The following TLN2 variants were observed in gnomAD, a reference collection of about 807,000 sequenced individuals.
TLN2 encodes the protein talin-2.
In TLN2, 118 loss-of-function variants were observed where a neutral mutation model predicts 294.7. The ratio of observed to expected loss-of-function variants is 0.40; its 90% CI spans 0.34 to 0.47. The LOEUF (loss-of-function observed/expected upper bound fraction) is 0.47. Ranked by LOEUF, TLN2 falls within the 20% of genes least tolerant of loss-of-function variation. The pLI is 0.84. For synonymous variants in TLN2, 1,431 were observed against 1,304.5 expected, an observed-to-expected ratio of 1.10 and a Z score of -2.09; for missense variants, 3,083 against 3,282.2, an observed-to-expected ratio of 0.94 and a Z score of 1.48.
chr15:62,671,743 CACT>C (rs2055457668), intron 9 of TLN2, among the ~76,000 whole-genome samples: 1 of 152,112 alleles, frequency 6.6e-6, no homozygotes, highest in African/African-American at 2.4e-5. Context: ...TCCTTTTCAC[CACT>C]ACTACCAAAC....
At chr15:62,815,173 TCTGTCACACACACACACACACACACA>T (rs2067001704) in intron 52 of TLN2, among the ~76,000 whole-genome samples, 1 of 133,922 alleles carries the variant, frequency 7.5e-6, no homozygotes, top group African/African-American at 2.7e-5. Context: ...TTTTATTCTG[TCTGTCACACACACACACACACACACA>T]CACACACACA....
chr15:62,478,681 G>C (rs746155216), intron 1 of TLN2, among the ~76,000 whole-genome samples: 1 of 152,156 alleles, frequency 6.6e-6, no homozygotes, highest in Non-Finnish European at 1.5e-5. Context: ...TGGGTTAGGG[G>C]TTGATTCAGT....
intron 1 of TLN2, among the ~76,000 whole-genome samples, chr15:62,395,340 T>C (rs908778820): frequency 4.6e-5 from 7 of 151,988 alleles, no homozygotes; most frequent in Non-Finnish European, 8.8e-5. Context: ...GGGATGCAAA[T>C]TATTGTGTCT....
At chr15:62,440,622 T>C (rs2035499813) in intron 1 of TLN2, among the ~76,000 whole-genome samples, 1 of 152,180 alleles carries the variant, frequency 6.6e-6, no homozygotes, top group Non-Finnish European at 1.5e-5. Flanking sequence ...CCTCTCTTGC[T>C]GTTCTCTTAT....
chr15:62,820,423 A>C, intron 53 of TLN2, 63 bp from the exon 54 acceptor site: 1 of 1,559,108 alleles, frequency 6.4e-7, no homozygotes, highest in Non-Finnish European at 8.7e-7. Context: ...TAGTGTTTTT[A>C]ATTAAGCCAG....
At chr15:62,738,420 C>CT in intron 30 of TLN2, 87 bp downstream of exon 30, 1 of 1,458,362 alleles carries the variant, frequency 6.9e-7, no homozygotes, top group Non-Finnish European at 9.1e-7. Context: ...CATGAGATCT[C>CT]TGAGCAGCTA....
intron 1 of TLN2, among the ~76,000 whole-genome samples, chr15:62,403,957 G>A (rs2033213864): frequency 6.6e-6 from 1 of 152,132 alleles, no homozygotes; most frequent in Admixed American, 6.5e-5. Context: ...AATCATCTCT[G>A]CCGCTGTATC....
intron 3 of TLN2, among the ~76,000 whole-genome samples, chr15:62,631,008 C>T (rs1464879854): frequency 6.6e-6 from 1 of 152,004 alleles, no homozygotes; most frequent in African/African-American, 2.4e-5. Context: ...TTTGAATAAG[C>T]CATTTTTTTT....
chr15:62,570,840 C>G (rs2043807903), intron 1 of TLN2, among the ~76,000 whole-genome samples: 2 of 152,006 alleles, frequency 1.3e-5, no homozygotes, highest in East Asian at 3.9e-4. Flanking sequence ...CTAAGCCAAT[C>G]TTCTCCAAGG....
intron 48 of TLN2, 125 bp downstream of exon 48, chr15:62,797,527 T>TCACACACTCACTACC: frequency 8.5e-7 from 1 of 1,177,296 alleles, no homozygotes; most frequent in Non-Finnish European, 1.2e-6. Flanking sequence ...TGAGTGTGTC[T>TCACACACTCACTACC]GGTTTGAGGA....
At chr15:62,677,821 T>TTTTTTTTTTTTTTTTTTG (rs2056398477) in intron 11 of TLN2, among the ~76,000 whole-genome samples, 1 of 146,102 alleles carries the variant, frequency 6.8e-6, no homozygotes, top group Non-Finnish European at 1.5e-5. Flanking sequence ...TTTTTTTTTT[T>TTTTTTTTTTTTTTTTTTG]GAGACGGAGA....
chr15:62,510,808 G>A (rs545753733), intron 1 of TLN2, among the ~76,000 whole-genome samples: 1 of 152,330 alleles, frequency 6.6e-6, no homozygotes, highest in African/African-American at 2.4e-5. Context: ...TTAATAGAAT[G>A]TGTTTTTATG....
At chr15:62,785,300 A>G (rs1378666422) in intron 45 of TLN2, among the ~76,000 whole-genome samples, 1 of 152,190 alleles carries the variant, frequency 6.6e-6, no homozygotes, top group Non-Finnish European at 1.5e-5. Flanking sequence ...TCATTTGACT[A>G]ACCTATAATT....
At chr15:62,809,205 G>A (rs1323171310) in intron 51 of TLN2, among the ~76,000 whole-genome samples, 2 of 152,148 alleles carry the variant, frequency 1.3e-5, no homozygotes, top group Non-Finnish European at 2.9e-5. Context: ...TTAACTGGGT[G>A]CATTTTATCT....
In TLN2 at chr15:62,833,573, A is replaced by G. The variant is rs750346347; in HGVS notation, c.7072A>G (p.Ser2358Gly). 6.8e-6 allele frequency: 11 copies of G among 1,614,180 alleles called. No individual in the cohort carries two copies. The East Asian group carries it at 2.0e-4, about 29-fold the overall frequency. ...TGCTAAATCCATTGCTGCTGCCACAAGCGCCCTGGTCAAATCGGCCTCAGC... is the reference window on the plus strand; with the variant it reads ...TGCTAAATCCATTGCTGCTGCCACAGGCGCCCTGGTCAAATCGGCCTCAGC... ...EAAKSIAAAT[S>G]ALVKSASAAQ... Residue 2358 changes from serine (S) to glycine (G), a missense_variant, in exon 55 of 59, where the codon AGC (serine) becomes GGC (glycine). Physicochemically the swap from Ser to Gly is moderately conservative, Grantham distance 56. Coordinates refer to ENST00000636159, the MANE Select transcript of TLN2 (RefSeq NM_015059.3).
chr15:62,551,602 G>A (rs2042316719), intron 1 of TLN2, among the ~76,000 whole-genome samples: 1 of 152,066 alleles, frequency 6.6e-6, no homozygotes. Context: ...GGGAGGCTAA[G>A]GCAGGAGAAT....
chr15:62,531,456 G>A (rs1025140137), intron 1 of TLN2, among the ~76,000 whole-genome samples: 1 of 152,152 alleles, frequency 6.6e-6, no homozygotes, highest in Non-Finnish European at 1.5e-5. Flanking sequence ...TTAGAGGAAT[G>A]TCTTTTTTTT....
intron 1 of TLN2, among the ~76,000 whole-genome samples, chr15:62,535,131 T>C (rs1286324413): frequency 6.6e-6 from 1 of 152,216 alleles, no homozygotes; most frequent in East Asian, 1.9e-4. Flanking sequence ...TTTTACTGTT[T>C]GGGAGCCACA....
chr15:62,681,022 A>G (rs555107899), intron 11 of TLN2, among the ~76,000 whole-genome samples: 15 of 152,274 alleles, frequency 9.9e-5, no homozygotes, highest in South Asian at 8.3e-4. Context: ...GCAGTTGTCA[A>G]TTGTGCTGCT....
Sources: gnomAD v4.1 joint callset for allele counts (sites outside exome capture counted in the v4.1 genomes callset) on GRCh38, gnomAD v4.1.1 for gene constraint, MANE v1.5 for transcripts, NCBI Gene and HGNC (gene_info 2026-07-23, HGNC 2026-07-21) for gene names.